MGAT5: variants seen among roughly 807,000 people sequenced by gnomAD.
MGAT5 encodes the protein alpha-1,6-mannosylglycoprotein 6-beta-N-acetylglucosaminyltransferase.
MGAT5 carries 30 observed loss-of-function variants against 94.3 expected under a neutral mutation model. That is an observed-to-expected ratio of 0.32 (90% confidence interval 0.24 to 0.43). The LOEUF is 0.43. MGAT5 is among the 20% of genes least tolerant of loss of function. The pLI is 1.00. For missense variants in MGAT5, 691 were observed against 905.5 expected (o/e 0.76, Z 3.04); for synonymous variants, 310 against 322.9 (o/e 0.96, Z 0.43).
At chr2:134,135,724 G>A (rs1686378756) in intron 1 of MGAT5, among the ~76,000 whole-genome samples, 1 of 148,008 alleles carries the variant, frequency 6.8e-6, no homozygotes, top group Non-Finnish European at 1.5e-5. Flanking sequence ...AGAAACCTTG[G>A]CCCACATGTG....
intron 1 of MGAT5, among the ~76,000 whole-genome samples, chr2:134,230,436 T>C (rs1681302631): frequency 6.6e-6 from 1 of 152,196 alleles, no homozygotes; most frequent in Admixed American, 6.5e-5. Context: ...AAATAAGTTC[T>C]AGTGTTTCAT....
intron 1 of MGAT5, among the ~76,000 whole-genome samples, chr2:134,187,607 CTTCT>C (rs1171132639): frequency 6.6e-6 from 1 of 152,168 alleles, no homozygotes; most frequent in African/African-American, 2.4e-5. Flanking sequence ...TTGCCCATTC[CTTCT>C]TTGTCTCTCC....
intron 2 of MGAT5, among the ~76,000 whole-genome samples, chr2:134,311,780 T>C (rs1386598065): frequency 6.6e-6 from 1 of 152,212 alleles, no homozygotes; most frequent in African/African-American, 2.4e-5. Context: ...GAATGTTTTA[T>C]GATGCCGCGT....
intron 1 of MGAT5, among the ~76,000 whole-genome samples, chr2:134,163,102 TTAC>T (rs1687812402): frequency 6.6e-6 from 1 of 151,780 alleles, no homozygotes; most frequent in Admixed American, 6.6e-5. Flanking sequence ...CTTAGGAGAG[TTAC>T]TACACCCAGG....
chr2:134,198,364 C>T (rs563628932), intron 1 of MGAT5, among the ~76,000 whole-genome samples: 1 of 152,298 alleles, frequency 6.6e-6, no homozygotes, highest in Admixed American at 6.5e-5. Flanking sequence ...ATCCAGTGTT[C>T]TTCAGACTAG....
In MGAT5 at chr2:134,131,572, A is replaced by AT. The variant is rs10617178; in HGVS notation, c.-143+11310dup. The stretch of plus-strand genomic sequence containing the variant: ...ATAAATATTTGCCTGTGGTAGATTG[A>AT]TTTTTTTTTTTTTTTTTTTTTTTTT... On this transcript the variant is annotated intron_variant, in intron 1 of 16. Transcript: ENST00000409645. Among the ~76,000 whole-genome samples the AT allele has an allele frequency of 1.6e-3, 136 of 85,244 alleles. 4 individuals carry two copies. The highest frequency in any genetic ancestry group is 4.5e-3 in the East Asian group (14 of 3,088). The allele number at this position is 85,244 out of a possible 152,430, so 55.9% of individuals were successfully genotyped here.
At chr2:134,431,114 G>T (rs1684853283) in intron 14 of MGAT5, among the ~76,000 whole-genome samples, 1 of 152,184 alleles carries the variant, frequency 6.6e-6, no homozygotes, top group African/African-American at 2.4e-5. Flanking sequence ...CATGGGGAAT[G>T]ATAGGCACTT....
At chr2:134,348,526 C>T (rs1470669917) in intron 8 of MGAT5, among the ~76,000 whole-genome samples, 1 of 152,116 alleles carries the variant, frequency 6.6e-6, no homozygotes. Context: ...AAAGTCCATT[C>T]TCATGTTTGG....
At chr2:134,261,293 A>G (rs1683315567) in intron 1 of MGAT5, among the ~76,000 whole-genome samples, 1 of 152,128 alleles carries the variant, frequency 6.6e-6, no homozygotes, top group African/African-American at 2.4e-5. Context: ...TGATGGTCAT[A>G]GCTCTCTATG....
intron 1 of MGAT5, among the ~76,000 whole-genome samples, chr2:134,133,722 C>T (rs1229221563): frequency 6.6e-6 from 1 of 152,076 alleles, no homozygotes; most frequent in Non-Finnish European, 1.5e-5. Context: ...ACCTCAAATC[C>T]ATCTCTCTGA....
At chr2:134,358,580 A>AT (rs1679896014) in intron 9 of MGAT5, among the ~76,000 whole-genome samples, 2 of 152,174 alleles carry the variant, frequency 1.3e-5, no homozygotes, top group Non-Finnish European at 2.9e-5. Flanking sequence ...GGGCTAAGGA[A>AT]TGGGCCCAGG....
At chr2:134,164,213 G>A (rs1687863512) in intron 1 of MGAT5, among the ~76,000 whole-genome samples, 1 of 152,108 alleles carries the variant, frequency 6.6e-6, no homozygotes, top group Non-Finnish European at 1.5e-5. Flanking sequence ...AAACTTCTAG[G>A]TCAGTTGTCC....
rs1688839402 is a variant in MGAT5 at position 134,345,016 on chromosome 2, G to C, written c.1064G>C (p.Gly355Ala). ...IVELIYIDIV[G>A]LAQFKKTLGP... is the part of the protein sequence containing the mutation. ...GAGCTCATTTACATTGATATTGTAGGACTTGCTCAATTCAAGAAAACTCTT... is the reference window on the plus strand; with the variant it reads ...GAGCTCATTTACATTGATATTGTAGCACTTGCTCAATTCAAGAAAACTCTT... Residue 355 changes from glycine to alanine, a missense_variant, in exon 8 of 16, where the codon GGA (glycine) becomes GCA (alanine). Gly to Ala is a moderately conservative substitution (Grantham distance 60). Transcript: ENST00000281923. The C allele has an allele frequency of 6.2e-7, 1 of 1,613,408 alleles. No homozygotes were observed. Among genetic ancestry groups the C allele is most frequent in the Non-Finnish European group, 8.5e-7 (1 of 1,179,676 alleles).
chr2:134,128,251 A>T (rs1022358289), intron 1 of MGAT5, among the ~76,000 whole-genome samples: 1 of 151,910 alleles, frequency 6.6e-6, no homozygotes. Context: ...GAATGAAAGA[A>T]AAGAAAAAGA....
chr2:134,286,938 C>A (rs1433501078), intron 2 of MGAT5, among the ~76,000 whole-genome samples: 1 of 152,184 alleles, frequency 6.6e-6, no homozygotes, highest in Non-Finnish European at 1.5e-5. Flanking sequence ...GGATTTGCTT[C>A]TACCTTGTGT....
intron 1 of MGAT5, among the ~76,000 whole-genome samples, chr2:134,225,437 C>T (rs1681012377): frequency 6.6e-6 from 1 of 152,196 alleles, no homozygotes; most frequent in African/African-American, 2.4e-5. Context: ...GTGGTGGCCA[C>T]ATCTTAGAGG....
rs144351614 is a variant in MGAT5, at chr2:134,316,891, T to A, written c.407-638T>A. On this transcript the variant is annotated intron_variant, in intron 2 of 15. Transcript: ENST00000281923. ...TACAGTTACAAGGAATAGGAACCCA[T>A]TCAAGCTAGCTAATATAAAAGGAGT... Among the ~76,000 whole-genome samples, 101 of 152,294 alleles carry A rather than the reference T, an allele frequency of 6.6e-4. 1 individual carries two copies. The East Asian group carries it at 0.018, about 27-fold the overall frequency.
At chr2:134,183,919 G>T (rs959308754) in intron 1 of MGAT5, among the ~76,000 whole-genome samples, 1 of 152,202 alleles carries the variant, frequency 6.6e-6, no homozygotes, top group South Asian at 2.1e-4. Flanking sequence ...CAGCCGAGAC[G>T]AAAATGAACA....
rs146798226 is a variant in MGAT5 at position 134,189,145 on chromosome 2, A to T, written c.-142-65117A>T. On this transcript the variant is annotated intron_variant, in intron 1 of 16. Transcript: ENST00000409645. ...ATTGGGGTTTCGTTACATAGGCAGG[A>T]TTGATTGAGTACAACCACATGGCCA... is the stretch of plus-strand genomic sequence containing the variant. Among the ~76,000 whole-genome samples the T allele has an allele frequency of 2.3e-3, 344 of 152,288 alleles. 1 individual carries two copies. The highest frequency in any genetic ancestry group is 3.8e-3 in the Non-Finnish European group (260 of 68,020).
Sources: gnomAD v4.1 joint callset for allele counts (sites outside exome capture counted in the v4.1 genomes callset) on GRCh38, gnomAD v4.1.1 for gene constraint, MANE v1.5 for transcripts, NCBI Gene and HGNC (gene_info 2026-07-23, HGNC 2026-07-21) for gene names.